The following SETBP1 variants were observed in gnomAD, a reference collection of about 807,000 sequenced individuals.
The protein encoded by SETBP1 is SET binding protein 1.
SETBP1 carries 9 observed loss-of-function variants against 101.0 expected under a neutral mutation model. The observed-to-expected ratio is 0.09, with a 90% CI of 0.05 to 0.16. SETBP1 has a LOEUF of 0.16. SETBP1 is among the 10% of genes least tolerant of loss of function. The probability of loss-of-function intolerance (pLI) is 1.00; values close to 1 mark genes in which losing one functional copy is unlikely to be tolerated. For synonymous variants in SETBP1, 818 were observed against 788.5 expected, an observed-to-expected ratio of 1.04 and a Z score of -0.63; for missense variants, 1,858 against 2,033.8, an observed-to-expected ratio of 0.91 and a Z score of 1.66.
At chr18:44,716,925 C>T (rs1417883885) in intron 2 of SETBP1, among the ~76,000 whole-genome samples, 2 of 152,202 alleles carry the variant, frequency 1.3e-5, no homozygotes, top group African/African-American at 4.8e-5. Flanking sequence ...GTGCAGGTTG[C>T]TTTCCTGGAC....
At chr18:44,878,996 C>G (rs984850745) in intron 3 of SETBP1, among the ~76,000 whole-genome samples, 4 of 152,192 alleles carry the variant, frequency 2.6e-5, no homozygotes, top group Admixed American at 2.6e-4. Context: ...CCACCACCCT[C>G]CAGCTCTGCC....
At chr18:45,002,139 C>A (rs1182961545) in intron 4 of SETBP1, among the ~76,000 whole-genome samples, 4 of 152,166 alleles carry the variant, frequency 2.6e-5, no homozygotes, top group Non-Finnish European at 5.9e-5. Context: ...CCCTGCCCTG[C>A]CACCCATCCC....
chr18:45,026,946 C>T (rs1167119022), intron 4 of SETBP1, among the ~76,000 whole-genome samples: 3 of 152,180 alleles, frequency 2.0e-5, no homozygotes, highest in East Asian at 3.9e-4. Context: ...TCCCCCACCA[C>T]CACTGACCTG....
Position 44,737,056 on chromosome 18 carries a change from G to C in SETBP1, c.486+35224G>C, listed in dbSNP as rs182790213. ...GGTACATCTTTGTAAAAGAATAAAT[G>C]ATGAATGAATGATATTGAGGTCTAA... On this transcript the variant is annotated intron_variant, in intron 2 of 5. Coordinates refer to ENST00000649279, the MANE Select transcript of SETBP1 (RefSeq NM_015559.3). Among the ~76,000 whole-genome samples, 852 of 152,332 alleles carry C rather than the reference G, an allele frequency of 5.6e-3. 4 individuals carry two copies. The highest frequency in any genetic ancestry group is 1.0e-2 in the Non-Finnish European group (678 of 68,030).
chr18:44,864,844 A>G (rs1161398157), intron 2 of SETBP1, among the ~76,000 whole-genome samples: 1 of 151,786 alleles, frequency 6.6e-6, no homozygotes, highest in Non-Finnish European at 1.5e-5. Context: ...CCTGTCTTGG[A>G]TCCCCCTCAA....
chr18:44,819,780 A>C (rs1346915019), intron 2 of SETBP1, among the ~76,000 whole-genome samples: 1 of 152,212 alleles, frequency 6.6e-6, no homozygotes, highest in African/African-American at 2.4e-5. Flanking sequence ...AAAATCAGGC[A>C]ACAATTGGAC....
chr18:44,894,861 T>G (rs2069855598), intron 3 of SETBP1, among the ~76,000 whole-genome samples: 1 of 150,686 alleles, frequency 6.6e-6, no homozygotes, highest in Non-Finnish European at 1.5e-5. Context: ...CTGGGCACCG[T>G]GGCTGCTTTG....
chr18:44,682,731 C>G (rs1459177246), intron 1 of SETBP1, among the ~76,000 whole-genome samples: 1 of 152,056 alleles, frequency 6.6e-6, no homozygotes, highest in Non-Finnish European at 1.5e-5. Flanking sequence ...GAATGTAGCC[C>G]CCAAAGATAT....
intron 2 of SETBP1, among the ~76,000 whole-genome samples, chr18:44,709,918 C>G (rs1440770950): frequency 1.3e-5 from 2 of 149,930 alleles, no homozygotes; most frequent in Non-Finnish European, 3.0e-5. Context: ...TCTGCCAAAC[C>G]GGGATTACTG....
intron 2 of SETBP1, among the ~76,000 whole-genome samples, chr18:44,729,400 A>C (rs1230075810): frequency 6.6e-6 from 1 of 152,248 alleles, no homozygotes; most frequent in Non-Finnish European, 1.5e-5. Context: ...TGACAGAGAC[A>C]GCATCAGAAG....
Position 45,063,474 on chromosome 18 carries a change from C to A in SETBP1, c.4567C>A (p.Pro1523Thr). 1.4e-6 allele frequency: 2 copies of A among 1,384,328 alleles called. No homozygotes were observed. 85.8% of individuals were successfully genotyped at this position (1,384,328 alleles called of 1,614,324 possible). Residue 1523 changes from proline (P) to threonine (T), a missense_variant, in exon 6 of 6, where the codon CCC becomes ACC. This residue lies in a region of SETBP1 where 178 missense variants were observed against 189.1 expected (regional missense o/e 0.94). Coordinates refer to ENST00000649279, the MANE Select transcript of SETBP1 (RefSeq NM_015559.3). ...IHMAREAPPL[P>T]PPPPPPLPPP... ...CATGGCCCGGGAGGCGCCGCCCCTG[C>A]CCCCGCCACCGCCGCCGCCCCTGCC... is the stretch of plus-strand genomic sequence containing the variant.
intron 5 of SETBP1, among the ~76,000 whole-genome samples, chr18:45,058,059 T>C (rs2145576434): frequency 6.6e-6 from 1 of 152,372 alleles, no homozygotes; most frequent in South Asian, 2.1e-4. Context: ...ACCATTTGCA[T>C]GGCAATTTCA....
intron 3 of SETBP1, chr18:44,876,720 C>T: frequency 1.9e-6 from 3 of 1,545,612 alleles, no homozygotes; most frequent in South Asian, 2.4e-5. Context: ...TTCCTTTTCA[C>T]AGTGAACCTG....
chr18:45,038,842 C>T (rs2073453567), intron 5 of SETBP1, among the ~76,000 whole-genome samples, 187 bp downstream of exon 5: 1 of 152,242 alleles, frequency 6.6e-6, no homozygotes, highest in Non-Finnish European at 1.5e-5. Context: ...AAGGAGATCT[C>T]CTGGGAATGT....
Position 44,810,246 on chromosome 18 carries a change from T to C in SETBP1, c.487-58984T>C, listed in dbSNP as rs117447207. ...AAAATCAAGATTTGAGAATCGATAG[T>C]ACTGGATCTGGGCCTCAATTCTACC... is the stretch of plus-strand genomic sequence containing the variant. On this transcript the variant is annotated intron_variant, in intron 2 of 5. Transcript: ENST00000649279. Among the ~76,000 whole-genome samples the C allele has an allele frequency of 3.8e-3, 576 of 152,334 alleles. 3 individuals are homozygous for C. Among genetic ancestry groups the C allele is most frequent in the Middle Eastern group, 0.031 (9 of 294 alleles).
chr18:45,048,407 AG>A (rs2073654284), intron 5 of SETBP1, among the ~76,000 whole-genome samples: 1 of 152,224 alleles, frequency 6.6e-6, no homozygotes, highest in Admixed American at 6.5e-5. Flanking sequence ...ATCTCATGTC[AG>A]GATTTAATCA....
intron 4 of SETBP1, among the ~76,000 whole-genome samples, chr18:44,971,209 C>T (rs2071849781): frequency 6.6e-6 from 1 of 152,190 alleles, no homozygotes; most frequent in South Asian, 2.1e-4. Context: ...ACGAACTCAT[C>T]ATTTTTTATG....
At chr18:45,030,178 A>C (rs2073261003) in intron 4 of SETBP1, among the ~76,000 whole-genome samples, 1 of 143,650 alleles carries the variant, frequency 7.0e-6, no homozygotes, top group South Asian at 2.3e-4. Flanking sequence ...ATTTTGAGAT[A>C]TGTCCCATCA....
At chr18:44,680,178 C>T (rs1196488525), upstream of SETBP1, 1 of 142,428 alleles carries the variant, frequency 7.0e-6, no homozygotes. Flanking sequence ...GCGGGAAGCG[C>T]GGGGCCGGCC....
Sources: allele counts gnomAD v4.1 joint callset (sites outside exome capture counted in the v4.1 genomes callset), GRCh38; gene constraint gnomAD v4.1.1; regional missense constraint gnomAD v4.1.1; transcripts MANE v1.5; gene names NCBI Gene and HGNC (gene_info 2026-07-23, HGNC 2026-07-21).